FAM220A: variants seen among roughly 807,000 people sequenced by gnomAD.
FAM220A encodes protein FAM220A.
For missense variants in FAM220A, 392 were observed against 321.6 expected (o/e 1.22, Z -1.68); for synonymous variants, 141 against 130.7 (o/e 1.08, Z -0.54).
intron 1 of FAM220A, among the ~76,000 whole-genome samples, chr7:6,343,068 G>A (rs1266289901): frequency 6.8e-6 from 1 of 147,128 alleles, no homozygotes; most frequent in Non-Finnish European, 1.5e-5. Flanking sequence ...AAGAAAGAAA[G>A]AGGAAGAGAA....
intron 1 of FAM220A, chr7:6,341,982 G>A (rs895029846): frequency 2.6e-5 from 4 of 151,086 alleles, no homozygotes; most frequent in Non-Finnish European, 4.4e-5. Flanking sequence ...TGGGCGACAA[G>A]AACAAGACTC....
chr7:6,334,995 G>A (rs887576233), intron 1 of FAM220A, among the ~76,000 whole-genome samples: 1 of 151,762 alleles, frequency 6.6e-6, no homozygotes, highest in Non-Finnish European at 1.5e-5. Context: ...TCAAACTCCC[G>A]ACCTCAGGTG....
chr7:6,331,411 C>T (rs1378951722), intron 1 of FAM220A, among the ~76,000 whole-genome samples, 176 bp from the exon 2 acceptor site: 1 of 152,232 alleles, frequency 6.6e-6, no homozygotes, highest in Admixed American at 6.5e-5. Flanking sequence ...GATCCACCCA[C>T]CTCAGCGTCC....
intron 1 of FAM220A, among the ~76,000 whole-genome samples, chr7:6,341,209 C>T (rs1781850690): frequency 6.7e-6 from 1 of 150,036 alleles, no homozygotes; most frequent in Non-Finnish European, 1.5e-5. Flanking sequence ...CTTTGGGAGG[C>T]CAAGGAGGGT....
chr7:6,348,943 CT>C lies in FAM220A; in HGVS notation c.-453del. On this transcript the variant is annotated 5_prime_UTR_variant, in exon 1 of 2. Coordinates refer to ENST00000313324, the MANE Select transcript of FAM220A (RefSeq NM_001037163.2). ...GAGAAGTGCCTCCGCGAGCAGCCGC[CT>C]GTACCAGCCTGGCCGCGCAGCCTGA... The C allele has an allele frequency of 2.6e-6, 1 of 380,456 alleles. No individual in the cohort carries two copies. Among genetic ancestry groups the C allele is most frequent in the Non-Finnish European group, 4.6e-6 (1 of 215,218 alleles). 23.6% of individuals were successfully genotyped at this position (380,456 alleles called of 1,614,324 possible). A position where few individuals can be genotyped will look rare whatever the true frequency, so the allele number is the denominator to read the frequency against.
chr7:6,343,623 AG>A (rs1214389269), intron 1 of FAM220A, among the ~76,000 whole-genome samples: 1 of 151,814 alleles, frequency 6.6e-6, no homozygotes, highest in Non-Finnish European at 1.5e-5. Context: ...TGTATAAATA[AG>A]AAGGATGCTA....
At chr7:6,331,366 T>C (rs1781631510) in intron 1 of FAM220A, 131 bp from the exon 2 acceptor site, 7 of 609,684 alleles carry the variant, frequency 1.1e-5, no homozygotes, top group African/African-American at 1.8e-5. Context: ...TTTCACCATA[T>C]TGGTAAGGCT....
At chr7:6,346,515 C>CGCCACCACTGCCCG (rs1781953332) in intron 1 of FAM220A, among the ~76,000 whole-genome samples, 1 of 152,078 alleles carries the variant, frequency 6.6e-6, no homozygotes, top group African/African-American at 2.4e-5. Context: ...TACAGGTGCA[C>CGCCACCACTGCCCG]GCCACCACTG....
chr7:6,337,890 G>A (rs935864730), intron 1 of FAM220A, among the ~76,000 whole-genome samples: 38 of 151,548 alleles, frequency 2.5e-4, no homozygotes, highest in Admixed American at 1.4e-3. Context: ...TGCAACCTCC[G>A]CCTCCCAGGT....
At position 6,330,344 on chromosome 7, in the gene FAM220A, AT is replaced by A. The variant is rs1387380318; in HGVS notation, c.*30del. ...AAATCATTCTAAGACAACTCTTAAA[AT>A]TAATCTATTGGTATTGTTCTGCTTG... On this transcript the variant is annotated 3_prime_UTR_variant, in exon 2 of 2. Transcript: ENST00000313324. 1 of 1,567,764 alleles carries A rather than the reference AT, an allele frequency of 6.4e-7. No homozygotes were observed. Among genetic ancestry groups the A allele is most frequent in the Non-Finnish European group, 8.6e-7 (1 of 1,156,614 alleles).
chr7:6,336,896 C>T (rs1026859626), intron 1 of FAM220A, among the ~76,000 whole-genome samples: 12 of 151,554 alleles, frequency 7.9e-5, no homozygotes, highest in Non-Finnish European at 1.2e-4. Context: ...TCAAGTGATC[C>T]GCCCACCTCA....
At position 6,331,099 on chromosome 7, in the gene FAM220A, C is replaced by T. The variant is rs769285357; in HGVS notation, c.56G>A (p.Gly19Glu). 18 of 1,613,286 alleles carry T rather than the reference C, an allele frequency of 1.1e-5. No individual in the cohort carries two copies. Among genetic ancestry groups the T allele is most frequent in the Non-Finnish European group, 1.4e-5 (17 of 1,180,046 alleles). The change falls in exon 2 of 2, where the codon GGA becomes GAA. Residue 19 changes from glycine (G) to glutamate (E), a missense_variant. Gly to Glu is a moderately conservative substitution (Grantham distance 98). Coordinates refer to ENST00000313324, the MANE Select transcript of FAM220A (RefSeq NM_001037163.2). Reference sequence around the variant, plus strand: ...TGATAGTTTGTCCGAGTCACCTCCTCCGGCCTGCTGCACTTGTGCCAGGCA... The same window carrying T: ...TGATAGTTTGTCCGAGTCACCTCCTTCGGCCTGCTGCACTTGTGCCAGGCA... ...GTCLAQVQQA[G>E]GGDSDKLSCS...
Position 6,330,361 on chromosome 7 carries a change from G to T in FAM220A, c.*14C>A. On this transcript the variant is annotated 3_prime_UTR_variant, in exon 2 of 2. Coordinates refer to ENST00000313324, the MANE Select transcript of FAM220A (RefSeq NM_001037163.2). Reference sequence around the variant, plus strand: ...CTCTTAAAATTAATCTATTGGTATTGTTCTGCTTGTACCTTAACTATGGCA... The same window carrying T: ...CTCTTAAAATTAATCTATTGGTATTTTTCTGCTTGTACCTTAACTATGGCA... 6.3e-7 allele frequency: 1 copy of T among 1,597,964 alleles called. No homozygotes were observed. The highest frequency in any genetic ancestry group is 8.5e-7 in the Non-Finnish European group (1 of 1,173,464).
At chr7:6,345,922 T>C (rs1781943817) in intron 1 of FAM220A, among the ~76,000 whole-genome samples, 1 of 151,796 alleles carries the variant, frequency 6.6e-6, no homozygotes, top group Non-Finnish European at 1.5e-5. Context: ...GCGTGCACCA[T>C]CACACCTGCC....
In FAM220A at chr7:6,337,106, GTC is replaced by G. The variant is rs780496553; in HGVS notation, c.-81-5873_-81-5872del. On this transcript the variant is annotated intron_variant, in intron 1 of 1. Coordinates refer to ENST00000313324, the MANE Select transcript of FAM220A (RefSeq NM_001037163.2). ...TTTTTTGAGACAAGAGTCTCTCTCT[GTC>G]TCGCCCAGGCTGGAGTGCAGTGGCG... Among the ~76,000 whole-genome samples, 755 of 146,432 alleles carry G rather than the reference GTC, an allele frequency of 5.2e-3. 3 individuals are homozygous for G. The highest frequency in any genetic ancestry group is 0.013 in the South Asian group (62 of 4,634).
At chr7:6,333,579 G>GC (rs1366331188) in intron 1 of FAM220A, among the ~76,000 whole-genome samples, 1 of 151,644 alleles carries the variant, frequency 6.6e-6, no homozygotes, top group African/African-American at 2.4e-5. Context: ...GCTCACTGCA[G>GC]CCTGTAACTT....
intron 1 of FAM220A, among the ~76,000 whole-genome samples, chr7:6,347,426 G>C (rs922982585): frequency 2.6e-5 from 4 of 151,970 alleles, no homozygotes; most frequent in African/African-American, 9.7e-5. Context: ...TGAGTCAGGA[G>C]AATCGCTTGA....
chr7:6,346,733 T>G (rs1043472652), intron 1 of FAM220A, among the ~76,000 whole-genome samples: 17 of 152,136 alleles, frequency 1.1e-4, no homozygotes, highest in Admixed American at 6.6e-5. Context: ...TCATGTTAAT[T>G]ACCATCACCT....
At chr7:6,346,551 T>G (rs1197745772) in intron 1 of FAM220A, among the ~76,000 whole-genome samples, 1 of 152,030 alleles carries the variant, frequency 6.6e-6, no homozygotes, top group Non-Finnish European at 1.5e-5. Flanking sequence ...CAGCTAATTT[T>G]TTGTATTTTA....
Sources: gnomAD v4.1 joint callset for allele counts (sites outside exome capture counted in the v4.1 genomes callset) on GRCh38, gnomAD v4.1.1 for gene constraint, MANE v1.5 for transcripts, NCBI Gene and HGNC (gene_info 2026-07-23, HGNC 2026-07-21) for gene names.